Variants in DLGAP1 observed in about 807,000 individuals in gnomAD.
The protein encoded by DLGAP1 is disks large-associated protein 1.
DLGAP1 carries 11 observed loss-of-function variants against 90.8 expected under a neutral mutation model. That is an observed-to-expected ratio of 0.12 (90% CI 0.08 to 0.20). The LOEUF (loss-of-function observed/expected upper bound fraction) is 0.20, where lower values mean the gene tolerates loss of function less well. Among genes scored for constraint, DLGAP1 ranks in the 10% least tolerant of loss-of-function variants. The pLI is 1.00. For missense variants in DLGAP1, 1,050 were observed against 1,333.8 expected, an observed-to-expected ratio of 0.79 and a Z score of 3.31; for synonymous variants, 558 against 540.7, an observed-to-expected ratio of 1.03 and a Z score of -0.44.
At chr18:4,062,456 C>G (rs1296339328) in intron 2 of DLGAP1, among the ~76,000 whole-genome samples, 1 of 152,102 alleles carries the variant, frequency 6.6e-6, no homozygotes, top group Non-Finnish European at 1.5e-5. Flanking sequence ...CCAGGAGCTC[C>G]AAGTTATCTT....
intron 2 of DLGAP1, among the ~76,000 whole-genome samples, chr18:4,025,914 A>G (rs1162744870): frequency 1.3e-5 from 2 of 152,224 alleles, no homozygotes; most frequent in African/African-American, 4.8e-5. Context: ...TTGTTATGAT[A>G]AAAGTAGTCT....
intron 1 of DLGAP1, among the ~76,000 whole-genome samples, chr18:4,392,951 C>T (rs868279544): frequency 3.4e-5 from 5 of 145,144 alleles, no homozygotes; most frequent in Middle Eastern, 3.2e-3. Flanking sequence ...ATGCCTTATA[C>T]GTAATCCATC....
At chr18:3,608,124 A>T (rs7229994) in intron 7 of DLGAP1, 9,811 of 152,218 alleles carry the variant, frequency 0.064, 773 homozygotes, top group African/African-American at 0.19. Context: ...GGAGTTCAAG[A>T]CCAGCCTGAC....
chr18:4,085,394 G>GTTTTCAGCAAAACCTGCTTAAA (rs1363087451), intron 2 of DLGAP1, among the ~76,000 whole-genome samples: 1 of 152,082 alleles, frequency 6.6e-6, no homozygotes, highest in African/African-American at 2.4e-5. Flanking sequence ...ACCTGCTTAA[G>GTTTTCAGCAAAACCTGCTTAAA]TTTTCAGCAA....
intron 3 of DLGAP1, among the ~76,000 whole-genome samples, chr18:3,998,124 T>C (rs2074106017): frequency 6.6e-6 from 1 of 152,212 alleles, no homozygotes; most frequent in South Asian, 2.1e-4. Context: ...TCATTAAAGG[T>C]TGCAAAATGG....
At chr18:4,451,226 A>T (rs2083819009) in intron 1 of DLGAP1, among the ~76,000 whole-genome samples, 1 of 152,170 alleles carries the variant, frequency 6.6e-6, no homozygotes, top group Admixed American at 6.5e-5. Context: ...ACCTCTGTAC[A>T]ATCAGACTAA....
chr18:4,414,395 C>T (rs891759279), intron 1 of DLGAP1, among the ~76,000 whole-genome samples: 1 of 152,056 alleles, frequency 6.6e-6, no homozygotes, highest in African/African-American at 2.4e-5. Flanking sequence ...TATAAATAAG[C>T]AATGTCATTA....
chr18:4,303,024 T>A (rs1322869116), intron 1 of DLGAP1, among the ~76,000 whole-genome samples: 1 of 152,234 alleles, frequency 6.6e-6, no homozygotes, highest in Non-Finnish European at 1.5e-5. Context: ...ACTTTCCTTC[T>A]ACTAGTTTAT....
intron 1 of DLGAP1, among the ~76,000 whole-genome samples, chr18:4,154,622 T>C (rs2076726255): frequency 6.6e-6 from 1 of 152,138 alleles, no homozygotes; most frequent in Non-Finnish European, 1.5e-5. Context: ...TGTTTTGAAG[T>C]GTGATAAAGT....
intron 8 of DLGAP1, among the ~76,000 whole-genome samples, chr18:3,569,876 C>T (rs866059760): frequency 1.4e-4 from 22 of 151,984 alleles, no homozygotes; most frequent in African/African-American, 2.9e-4. Flanking sequence ...TTTCTGTTAA[C>T]GATAGAGCAC....
chr18:4,348,115 C>T (rs1202827972), intron 1 of DLGAP1, among the ~76,000 whole-genome samples: 1 of 151,990 alleles, frequency 6.6e-6, no homozygotes, highest in Non-Finnish European at 1.5e-5. Flanking sequence ...ACTCCAAGCC[C>T]AAAGACAAGG....
intron 1 of DLGAP1, among the ~76,000 whole-genome samples, chr18:4,341,036 T>C (rs1035066514): frequency 5.9e-5 from 9 of 152,144 alleles, no homozygotes; most frequent in Non-Finnish European, 1.3e-4. Flanking sequence ...GTTTTGATAT[T>C]ATTTAAGAGT....
At chr18:4,082,497 T>G (rs1598368507) in intron 2 of DLGAP1, among the ~76,000 whole-genome samples, 1 of 68,200 alleles carries the variant, frequency 1.5e-5, no homozygotes, top group African/African-American at 8.0e-5. Context: ...GGTGACAGAG[T>G]GAGACTTTGT....
intron 2 of DLGAP1, among the ~76,000 whole-genome samples, chr18:4,015,269 A>G (rs1013447157): frequency 2.6e-5 from 4 of 152,160 alleles, no homozygotes; most frequent in African/African-American, 9.7e-5. Context: ...GATGAAAAAT[A>G]GGCTTCAGTT....
At chr18:4,089,032 T>C (rs1170225579) in intron 2 of DLGAP1, among the ~76,000 whole-genome samples, 2 of 152,202 alleles carry the variant, frequency 1.3e-5, no homozygotes, top group African/African-American at 4.8e-5. Context: ...GCAGATAACA[T>C]GATCCTATAT....
intron 7 of DLGAP1, among the ~76,000 whole-genome samples, chr18:3,591,420 G>C (rs954874866): frequency 6.6e-6 from 1 of 152,108 alleles, no homozygotes; most frequent in African/African-American, 2.4e-5. Flanking sequence ...TGTTGCGGTG[G>C]CTCATTCCTG....
At chr18:3,716,958 G>A (rs972447634) in intron 7 of DLGAP1, among the ~76,000 whole-genome samples, 3 of 151,224 alleles carry the variant, frequency 2.0e-5, no homozygotes, top group Non-Finnish European at 4.4e-5. Context: ...GAGAGGTGCC[G>A]TCTCTATAAA....
At chr18:4,282,647 T>C (rs2079581588) in intron 1 of DLGAP1, among the ~76,000 whole-genome samples, 1 of 152,192 alleles carries the variant, frequency 6.6e-6, no homozygotes, top group South Asian at 2.1e-4. Flanking sequence ...GAGTTTGCCA[T>C]AGAAGCATTA....
chr18:3,903,995 C>T (rs28497660), intron 3 of DLGAP1, among the ~76,000 whole-genome samples: 7 of 152,272 alleles, frequency 4.6e-5, no homozygotes, highest in African/African-American at 1.4e-4. Context: ...GGGTTACTTT[C>T]GTAAGGAAAC....
Sources: gnomAD v4.1 joint callset for allele counts (sites outside exome capture counted in the v4.1 genomes callset) on GRCh38, gnomAD v4.1.1 for gene constraint, MANE v1.5 for transcripts, NCBI Gene and HGNC (gene_info 2026-07-23, HGNC 2026-07-21) for gene names.